ATP8B1: variants seen among roughly 807,000 people sequenced by gnomAD.
The protein encoded by ATP8B1 is phospholipid-transporting ATPase IC.
A neutral mutation model predicts 149.9 loss-of-function variants in ATP8B1; 80 were observed. The ratio of observed to expected loss-of-function variants is 0.53; its 90% CI spans 0.45 to 0.64. The LOEUF is 0.64. Among genes scored for constraint, ATP8B1 ranks in the 30% least tolerant of loss-of-function variants. The pLI is 0.00. For missense variants in ATP8B1, 1,247 were observed against 1,552.6 expected (o/e 0.80, Z 3.31); for synonymous variants, 536 against 562.8 (o/e 0.95, Z 0.67).
chr18:57,780,049 G>T (rs2080344234), intron 1 of ATP8B1, among the ~76,000 whole-genome samples: 1 of 152,054 alleles, frequency 6.6e-6, no homozygotes, highest in Admixed American at 6.6e-5. Context: ...AAACCAACTG[G>T]CCTTGAAGCC....
At chr18:57,700,111 A>G (rs536648730) in intron 6 of ATP8B1, among the ~76,000 whole-genome samples, 4 of 152,246 alleles carry the variant, frequency 2.6e-5, no homozygotes, top group Non-Finnish European at 4.4e-5. Flanking sequence ...GCCTTCCAGT[A>G]GCCCTGCTAA....
intron 1 of ATP8B1, among the ~76,000 whole-genome samples, chr18:57,791,078 C>G (rs2080459417): frequency 6.6e-6 from 1 of 152,138 alleles, no homozygotes; most frequent in African/African-American, 2.4e-5. Flanking sequence ...TTGCTACCAC[C>G]ACCCATCCCT....
intron 20 of ATP8B1, 99 bp from the exon 21 acceptor site, chr18:57,662,714 A>G: frequency 7.6e-7 from 1 of 1,322,486 alleles, no homozygotes; most frequent in Non-Finnish European, 1.1e-6. Flanking sequence ...ACAAAAAAAC[A>G]AAGTTTACCA....
At position 57,704,681 on chromosome 18, in the gene ATP8B1, A is replaced by G. The variant is rs1913299061; in HGVS notation, c.280-13T>C. On this transcript the variant is annotated splice_polypyrimidine_tract_variant and intron_variant, in intron 3 of 27. Transcript: ENST00000648908. Reference sequence around the variant, plus strand: ...TAATTGCATTATTCTGTTGGAAAAAATAAGAGTCATTCTAAATGATGCTGT... The same window carrying G: ...TAATTGCATTATTCTGTTGGAAAAAGTAAGAGTCATTCTAAATGATGCTGT... The G allele has an allele frequency of 6.7e-7, 1 of 1,500,848 alleles. No individual in the cohort carries two copies. 93.0% of individuals were successfully genotyped at this position (1,500,848 alleles called of 1,614,324 possible). A position where few individuals can be genotyped will look rare whatever the true frequency, so the allele number is the denominator to read the frequency against.
In ATP8B1 at chr18:57,669,545, T is replaced by C. The variant is rs184090736; in HGVS notation, c.1933-63A>G. The C allele has an allele frequency of 1.3e-4, 191 of 1,490,454 alleles. 1 individual carries two copies. In the East Asian group the frequency reaches 3.9e-3, roughly 30 times the overall value. The allele number at this position is 1,490,454 out of a possible 1,614,324, so 92.3% of individuals were successfully genotyped here. ...AATAGTTAATTTATGTAATTCAGGA[T>C]CAAGTCTGAAATTTTACTTTGAAGT... On this transcript the variant is annotated intron_variant, in intron 17 of 27. Coordinates refer to ENST00000648908, the MANE Select transcript of ATP8B1 (RefSeq NM_001374385.1).
chr18:57,783,848 A>T (rs889118480), intron 1 of ATP8B1, among the ~76,000 whole-genome samples: 2 of 152,132 alleles, frequency 1.3e-5, no homozygotes, highest in African/African-American at 4.8e-5. Context: ...AAAAAAATAA[A>T]AATAATAAAG....
At chr18:57,663,761 A>AT (rs10598900) in intron 20 of ATP8B1, among the ~76,000 whole-genome samples, 2,603 of 97,340 alleles carry the variant, frequency 0.027, 56 homozygotes, top group East Asian at 0.052. Flanking sequence ...TGCTTTGCCC[A>AT]TTTTTTTTTT....
At chr18:57,674,101 T>C (rs1911428327) in intron 16 of ATP8B1, among the ~76,000 whole-genome samples, 1 of 151,912 alleles carries the variant, frequency 6.6e-6, no homozygotes, top group East Asian at 2.0e-4. Context: ...GCAGCCCACG[T>C]GGTTAAAGAA....
Position 57,669,305 on chromosome 18 carries a change from G to C in ATP8B1, c.2097+13C>G, listed in dbSNP as rs914914784. 11 of 1,591,166 alleles carry C rather than the reference G, an allele frequency of 6.9e-6. No individual in the cohort carries two copies. Among genetic ancestry groups the C allele is most frequent in the Non-Finnish European group, 9.4e-6 (11 of 1,171,474 alleles). Reference sequence around the variant, plus strand: ...AGAATATCAAAGAAAAAGTTATTAAGGCTAAAACTCACAATTAAGTCTTTT... The same window carrying C: ...AGAATATCAAAGAAAAAGTTATTAACGCTAAAACTCACAATTAAGTCTTTT... On this transcript the variant is annotated intron_variant, in intron 18 of 27. Coordinates refer to ENST00000648908, the MANE Select transcript of ATP8B1 (RefSeq NM_001374385.1).
chr18:57,741,392 G>A (rs2079912561), intron 1 of ATP8B1, among the ~76,000 whole-genome samples: 1 of 152,230 alleles, frequency 6.6e-6, no homozygotes, highest in Admixed American at 6.5e-5. Context: ...CACATGGCAA[G>A]ATGTGAAGTT....
intron 2 of ATP8B1, chr18:57,708,363 T>G (rs1419458381): frequency 6.6e-6 from 1 of 151,950 alleles, no homozygotes; most frequent in Non-Finnish European, 1.5e-5. Flanking sequence ...TGCAATCTTA[T>G]CAAAAGGGAA....
rs560351202 is a variant in ATP8B1 at position 57,769,177 on chromosome 18, T to C, written c.-26+33821A>G. ...CAGAAAGAAAGCAGAGCCAAGTGTATGCATTGCGCAAAACCTCTGATGGCC... is the reference window on the plus strand; with the variant it reads ...CAGAAAGAAAGCAGAGCCAAGTGTACGCATTGCGCAAAACCTCTGATGGCC... On this transcript the variant is annotated intron_variant, in intron 1 of 27. Coordinates refer to ENST00000648908, the MANE Select transcript of ATP8B1 (RefSeq NM_001374385.1). 2.0e-5 allele frequency among the ~76,000 whole-genome samples: 3 copies of C among 152,238 alleles called. No homozygotes were observed. The East Asian group carries it at 5.8e-4, about 29-fold the overall frequency.
chr18:57,760,106 A>G (rs550323376), intron 1 of ATP8B1, among the ~76,000 whole-genome samples: 1 of 152,304 alleles, frequency 6.6e-6, no homozygotes, highest in African/African-American at 2.4e-5. Context: ...GATATTCCAA[A>G]TTGGCCAATC....
intron 18 of ATP8B1, 156 bp from the exon 19 acceptor site, chr18:57,668,696 G>T: frequency 1.7e-6 from 1 of 582,302 alleles, no homozygotes; most frequent in Non-Finnish European, 3.0e-6. Flanking sequence ...AGGGAAGGCT[G>T]CCATGTTTCA....
chr18:57,714,910 A>G (rs535969521), intron 2 of ATP8B1, among the ~76,000 whole-genome samples: 2 of 152,236 alleles, frequency 1.3e-5, no homozygotes, highest in African/African-American at 2.4e-5. Context: ...ACAAGCATCA[A>G]GAACATCCAG....
chr18:57,695,487 C>T lies in ATP8B1; in HGVS notation c.744G>A (p.Gln248=). The change falls in exon 9 of 28, where the codon CAG becomes CAA. Residue 248 remains glutamine (Q), a synonymous_variant. Coordinates refer to ENST00000648908, the MANE Select transcript of ATP8B1 (RefSeq NM_001374385.1). ...KFKMSLEITD[Q]YLQREDTLAT... ...CCAATGTATCTTCTCTTTGGAGGTACTGGTCTGTGATTTCAAGTGACATCT... is the reference window on the plus strand; with the variant it reads ...CCAATGTATCTTCTCTTTGGAGGTATTGGTCTGTGATTTCAAGTGACATCT... The T allele has an allele frequency of 6.2e-7, 1 of 1,612,878 alleles. No individual in the cohort carries two copies. Among genetic ancestry groups the T allele is most frequent in the African/African-American group, 1.3e-5 (1 of 74,964 alleles).
At chr18:57,775,301 T>C (rs1434135941) in intron 1 of ATP8B1, among the ~76,000 whole-genome samples, 1 of 149,658 alleles carries the variant, frequency 6.7e-6, no homozygotes, top group Non-Finnish European at 1.5e-5. Context: ...GGGTGACAGA[T>C]GGAGACCCTG....
intron 14 of ATP8B1, 37 bp from the exon 15 acceptor site, chr18:57,684,229 A>G (rs761439190): frequency 6.3e-7 from 1 of 1,589,070 alleles, no homozygotes; most frequent in South Asian, 1.1e-5. Flanking sequence ...ATGATTTTAT[A>G]AAATATTTTT....
Position 57,656,387 on chromosome 18 carries a change from CTT to C in ATP8B1, c.2708-972_2708-971del, listed in dbSNP as rs11289944. ...GAAATAGTTATATTTCTTTCTCTCT[CTT>C]TTTTTTTTTTTTTTGAGATGAAGTC... On this transcript the variant is annotated intron_variant, in intron 22 of 27. Coordinates refer to ENST00000648908, the MANE Select transcript of ATP8B1 (RefSeq NM_001374385.1). Among the ~76,000 whole-genome samples the C allele has an allele frequency of 7.4e-3, 1,021 of 137,100 alleles. 10 individuals carry two copies. The highest frequency in any genetic ancestry group is 0.023 in the African/African-American group (866 of 37,448). 89.9% of individuals were successfully genotyped at this position (137,100 alleles called of 152,430 possible). A position where few individuals can be genotyped will look rare whatever the true frequency, so the allele number is the denominator to read the frequency against.
Sources: gnomAD v4.1 joint callset for allele counts (sites outside exome capture counted in the v4.1 genomes callset) on GRCh38, gnomAD v4.1.1 for gene constraint, MANE v1.5 for transcripts, NCBI Gene and HGNC (gene_info 2026-07-23, HGNC 2026-07-21) for gene names.